Variants in LRRC36 observed in about 807,000 individuals in gnomAD.
LRRC36 encodes leucine rich repeat containing 36.
In LRRC36, 62 loss-of-function variants were observed where a neutral mutation model predicts 81.1. That is an observed-to-expected ratio of 0.76 (90% CI 0.62 to 0.94). The LOEUF (loss-of-function observed/expected upper bound fraction) is 0.94. Ranked by LOEUF, LRRC36 falls within the 40% of genes least tolerant of loss-of-function variation. The pLI, the probability that LRRC36 is intolerant of heterozygous loss-of-function variation, is 0.00. For missense variants in LRRC36, 761 were observed against 881.7 expected, an observed-to-expected ratio of 0.86 and a Z score of 1.73; for synonymous variants, 334 against 348.6, an observed-to-expected ratio of 0.96 and a Z score of 0.47.
chr16:67,338,912 A>G (rs543005668), intron 1 of LRRC36, among the ~76,000 whole-genome samples: 1 of 47,438 alleles, frequency 2.1e-5, no homozygotes, highest in Non-Finnish European at 4.5e-5. Flanking sequence ...TTTTTTTTTT[A>G]GGGACAGAGT....
At chr16:67,338,102 T>C (rs2037851613) in intron 1 of LRRC36, among the ~76,000 whole-genome samples, 1 of 151,944 alleles carries the variant, frequency 6.6e-6, no homozygotes, top group South Asian at 2.1e-4. Context: ...AAAAAATTAT[T>C]GAGGACCTCA....
intron 5 of LRRC36, among the ~76,000 whole-genome samples, chr16:67,355,536 G>A (rs1390215656): frequency 2.6e-5 from 4 of 151,130 alleles, no homozygotes; most frequent in East Asian, 1.9e-4. Context: ...CACTACGCCC[G>A]GCTAATTTTT....
intron 5 of LRRC36, among the ~76,000 whole-genome samples, chr16:67,353,155 A>G (rs1188513139): frequency 1.3e-5 from 2 of 152,250 alleles, no homozygotes; most frequent in South Asian, 2.1e-4. Flanking sequence ...CAAGCTAAAC[A>G]TGTCCAAAAT....
chr16:67,365,231 A>G lies in LRRC36; in HGVS notation c.703-73A>G, dbSNP rs1387778293. 101 of 886,906 alleles carry G rather than the reference A, an allele frequency of 1.1e-4. 1 individual carries two copies. The highest frequency in any genetic ancestry group is 3.0e-4 in the South Asian group (20 of 67,596). 54.9% of individuals were successfully genotyped at this position (886,906 alleles called of 1,614,324 possible). A position where few individuals can be genotyped will look rare whatever the true frequency, so the allele number is the denominator to read the frequency against. On this transcript the variant is annotated intron_variant, in intron 6 of 13. Coordinates refer to ENST00000329956, the MANE Select transcript of LRRC36 (RefSeq NM_018296.6). The stretch of plus-strand genomic sequence containing the variant: ...TCCCATTAATAGGAAGGTATTCTGA[A>G]CCCCTAGTCTAATAAGCTCACATTT...
intron 5 of LRRC36, among the ~76,000 whole-genome samples, chr16:67,360,689 G>A (rs1337992741): frequency 2.0e-5 from 3 of 152,202 alleles, no homozygotes; most frequent in Non-Finnish European, 4.4e-5. Context: ...GTCCCAGAAG[G>A]CAATTCAGAA....
At chr16:67,375,537 C>A in intron 10 of LRRC36, 125 bp downstream of exon 10, 1 of 701,924 alleles carries the variant, frequency 1.4e-6, no homozygotes, top group Non-Finnish European at 2.2e-6. Flanking sequence ...CATCCTGAAA[C>A]ATCTCAGAAA....
intron 12 of LRRC36, among the ~76,000 whole-genome samples, chr16:67,379,100 A>C (rs9934827): frequency 2.0e-5 from 3 of 151,980 alleles, no homozygotes; most frequent in Non-Finnish European, 2.9e-5. Flanking sequence ...TTCTTCTACC[A>C]TACCTCTCTA....
chr16:67,329,163 C>A (rs1194355217), intron 1 of LRRC36, among the ~76,000 whole-genome samples: 3 of 151,934 alleles, frequency 2.0e-5, no homozygotes. Context: ...CCCACCTCAG[C>A]CTCCCTAAGA....
chr16:67,330,898 C>G (rs2037450157), intron 1 of LRRC36, among the ~76,000 whole-genome samples: 1 of 151,894 alleles, frequency 6.6e-6, no homozygotes, highest in Admixed American at 6.6e-5. Flanking sequence ...GTCTTAGTCC[C>G]TTTTCTCTTG....
At chr16:67,333,132 GTATT>G (rs941640196) in intron 1 of LRRC36, among the ~76,000 whole-genome samples, 8 of 151,710 alleles carry the variant, frequency 5.3e-5, no homozygotes, top group Admixed American at 5.3e-4. Context: ...CACCGTTTTA[GTATT>G]TATTTATTTA....
chr16:67,327,913 A>G (rs2037276601), intron 1 of LRRC36, among the ~76,000 whole-genome samples: 1 of 148,674 alleles, frequency 6.7e-6, no homozygotes, highest in Admixed American at 6.7e-5. Context: ...ACCTTGACAG[A>G]GGGAGTTTTG....
Position 67,384,893 on chromosome 16 carries a change from A to G in LRRC36, c.2069A>G (p.Tyr690Cys), listed in dbSNP as rs1222504100. The G allele has an allele frequency of 6.2e-7, 1 of 1,614,192 alleles. No homozygotes were observed. The highest frequency in any genetic ancestry group is 1.7e-5 in the Admixed American group (1 of 60,022). The change falls in exon 14 of 14, where the codon TAT becomes TGT. Residue 690 changes from tyrosine to cysteine, a missense_variant. Coordinates refer to ENST00000329956, the MANE Select transcript of LRRC36 (RefSeq NM_018296.6). ...AGATCCCTGGTGGTAACTAATGAGTATCTGCTGCAGCAGCTGAATAAGGAG... is the reference window on the plus strand; with the variant it reads ...AGATCCCTGGTGGTAACTAATGAGTGTCTGCTGCAGCAGCTGAATAAGGAG... ...SQRSLVVTNE[Y>C]LLQQLNKEPK...
intron 1 of LRRC36, among the ~76,000 whole-genome samples, chr16:67,334,045 T>A (rs1237846418): frequency 6.6e-6 from 1 of 152,128 alleles, no homozygotes; most frequent in Non-Finnish European, 1.5e-5. Context: ...TTATTTATTT[T>A]TTTGAGATGG....
Position 67,382,134 on chromosome 16 carries a change from T to A in LRRC36, c.1932T>A (p.Asp644Glu). Residue 644 changes from aspartate (D) to glutamate (E), a missense_variant and splice_region_variant, in exon 13 of 14, where the codon GAT becomes GAA. Around this residue, in one of 3 missense-constraint regions of LRRC36, gnomAD observed 359 missense variants for 388.4 expected, o/e 0.92. Transcript: ENST00000329956. ...CCCTGGCTACTGTGCCCTTTGTAGA[T>A]GATCTTCTGCACAAAAACCAACAGC... ...IVSGQQSHTYDDLLHKNQQLT... is the reference protein window; with the variant it reads ...IVSGQQSHTYEDLLHKNQQLT... 6.2e-7 allele frequency: 1 copy of A among 1,607,886 alleles called. No individual in the cohort carries two copies.
chr16:67,378,828 G>C, intron 12 of LRRC36, 116 bp downstream of exon 12: 2 of 1,131,548 alleles, frequency 1.8e-6, no homozygotes, highest in Non-Finnish European at 2.5e-6. Flanking sequence ...GGCCTACTTG[G>C]TCATCAGTTT....
chr16:67,382,558 C>T (rs1023536777), intron 13 of LRRC36, among the ~76,000 whole-genome samples: 3 of 152,142 alleles, frequency 2.0e-5, no homozygotes, highest in East Asian at 1.9e-4. Context: ...CCCCTAAAGT[C>T]GGCCATCTGG....
chr16:67,332,212 A>G (rs976317346), intron 1 of LRRC36, among the ~76,000 whole-genome samples: 11 of 152,186 alleles, frequency 7.2e-5, no homozygotes, highest in African/African-American at 2.6e-4. Context: ...CTTGGCATCT[A>G]TGCTGTGCAG....
intron 7 of LRRC36, among the ~76,000 whole-genome samples, chr16:67,366,612 T>C (rs1314283194): frequency 6.6e-6 from 1 of 152,042 alleles, no homozygotes; most frequent in Admixed American, 6.5e-5. Flanking sequence ...TAGCTGGGCA[T>C]GGTGGCATGT....
At chr16:67,332,879 A>G (rs1175019023) in intron 1 of LRRC36, among the ~76,000 whole-genome samples, 1 of 151,392 alleles carries the variant, frequency 6.6e-6, no homozygotes, top group Non-Finnish European at 1.5e-5. Context: ...TTATTTATTT[A>G]TTTATTTTAT....
Sources: allele counts gnomAD v4.1 joint callset (sites outside exome capture counted in the v4.1 genomes callset), GRCh38; gene constraint gnomAD v4.1.1; regional missense constraint gnomAD v4.1.1; transcripts MANE v1.5; gene names NCBI Gene and HGNC (gene_info 2026-07-23, HGNC 2026-07-21).